The following GALNT7 variants were observed in gnomAD, a reference collection of about 807,000 sequenced individuals.
The protein encoded by GALNT7 is N-acetylgalactosaminyltransferase 7.
A neutral mutation model predicts 82.1 loss-of-function variants in GALNT7; 60 were observed. The ratio of observed to expected loss-of-function variants is 0.73; its 90% CI spans 0.59 to 0.91. The LOEUF (loss-of-function observed/expected upper bound fraction) is 0.91, where lower values mean the gene tolerates loss of function less well. Ranked by LOEUF, GALNT7 falls within the 40% of genes least tolerant of loss-of-function variation. The pLI is 0.00. For synonymous variants in GALNT7, 243 were observed against 275.1 expected, an observed-to-expected ratio of 0.88 and a Z score of 1.15; for missense variants, 660 against 804.2, an observed-to-expected ratio of 0.82 and a Z score of 2.17.
intron 2 of GALNT7, chr4:173,268,041 AAG>A (rs1386121176): frequency 1.9e-5 from 3 of 154,762 alleles, no homozygotes; most frequent in African/African-American, 2.4e-5. Flanking sequence ...AGGAGTCCTA[AAG>A]GAAGTTAGTA....
chr4:173,196,616 A>G, intron 1 of GALNT7, among the ~76,000 whole-genome samples: 1 of 152,134 alleles, frequency 6.6e-6, no homozygotes, highest in East Asian at 1.9e-4. Context: ...AACGTGTGCC[A>G]TGGTGGTTTG....
intron 1 of GALNT7, among the ~76,000 whole-genome samples, chr4:173,183,041 TAAAC>T (rs1355270873): frequency 4.9e-5 from 2 of 40,736 alleles, no homozygotes; most frequent in Admixed American, 2.6e-4. Context: ...TCCACACACA[TAAAC>T]ACACACACAC....
chr4:173,181,012 T>G (rs1050594692), intron 1 of GALNT7, among the ~76,000 whole-genome samples: 1 of 152,240 alleles, frequency 6.6e-6, no homozygotes, highest in African/African-American at 2.4e-5. Context: ...CAGGATGATT[T>G]AAAATGAATT....
At chr4:173,202,594 A>T (rs2126655798) in intron 1 of GALNT7, among the ~76,000 whole-genome samples, 1 of 152,332 alleles carries the variant, frequency 6.6e-6, no homozygotes, top group Middle Eastern at 3.4e-3. Context: ...TCCTCCAGGA[A>T]ATCTTATCTG....
intron 1 of GALNT7, among the ~76,000 whole-genome samples, chr4:173,190,740 T>C (rs1467336914): frequency 6.6e-6 from 1 of 152,172 alleles, no homozygotes; most frequent in East Asian, 1.9e-4. Context: ...TTATTGAACA[T>C]TGGGTTATGA....
At chr4:173,225,105 G>T (rs910491549) in intron 1 of GALNT7, among the ~76,000 whole-genome samples, 6 of 151,568 alleles carry the variant, frequency 4.0e-5, no homozygotes, top group Non-Finnish European at 4.4e-5. Flanking sequence ...GAATCCTGGA[G>T]ATAGAATTTT....
At chr4:173,270,855 C>T (rs1735696286) in intron 2 of GALNT7, among the ~76,000 whole-genome samples, 1 of 152,168 alleles carries the variant, frequency 6.6e-6, no homozygotes, top group African/African-American at 2.4e-5. Context: ...CTGCAGCCCT[C>T]TGAGAAACAG....
At chr4:173,319,256 G>A (rs1041994130) in intron 11 of GALNT7, among the ~76,000 whole-genome samples, 8 of 151,846 alleles carry the variant, frequency 5.3e-5, no homozygotes, top group Non-Finnish European at 1.0e-4. Flanking sequence ...AACAAAAAGT[G>A]GGGAAAGCTG....
At chr4:173,234,234 A>C (rs1734136882) in intron 1 of GALNT7, among the ~76,000 whole-genome samples, 2 of 152,268 alleles carry the variant, frequency 1.3e-5, no homozygotes. Flanking sequence ...TGAATTCCTC[A>C]AGGCGGGATC....
intron 2 of GALNT7, among the ~76,000 whole-genome samples, chr4:173,256,173 G>A (rs563780431): frequency 6.6e-5 from 10 of 152,092 alleles, no homozygotes; most frequent in East Asian, 1.9e-4. Context: ...GGAGTTTACC[G>A]GCTTTAAGAC....
intron 2 of GALNT7, among the ~76,000 whole-genome samples, chr4:173,266,189 G>A (rs1023735597): frequency 6.6e-5 from 10 of 152,336 alleles, no homozygotes; most frequent in Non-Finnish European, 1.3e-4. Context: ...GAACCCGAGA[G>A]GCGGACGTTG....
chr4:173,319,364 A>G (rs1737720581), intron 11 of GALNT7, among the ~76,000 whole-genome samples: 1 of 152,120 alleles, frequency 6.6e-6, no homozygotes, highest in South Asian at 2.1e-4. Context: ...CTTGTTTGCT[A>G]TGTAATAATG....
chr4:173,246,350 A>G (rs1734633482), intron 1 of GALNT7, among the ~76,000 whole-genome samples: 1 of 152,122 alleles, frequency 6.6e-6, no homozygotes, highest in South Asian at 2.1e-4. Flanking sequence ...TTCCTTTTTT[A>G]ATGAGTTAGT....
chr4:173,183,774 G>A (rs1171888318), intron 1 of GALNT7, among the ~76,000 whole-genome samples: 1 of 150,550 alleles, frequency 6.6e-6, no homozygotes, highest in Admixed American at 6.6e-5. Context: ...GGCTGGCCTG[G>A]CAGGGACTGC....
intron 2 of GALNT7, among the ~76,000 whole-genome samples, chr4:173,284,972 CTTG>C (rs1454075911): frequency 6.6e-6 from 1 of 152,040 alleles, no homozygotes; most frequent in Non-Finnish European, 1.5e-5. Flanking sequence ...GTAAGAAAAC[CTTG>C]TTGTGCTTTT....
chr4:173,238,735 A>T (rs1199279405), intron 1 of GALNT7, among the ~76,000 whole-genome samples: 1 of 152,182 alleles, frequency 6.6e-6, no homozygotes, highest in Non-Finnish European at 1.5e-5. Context: ...CATATTTATG[A>T]TTCAGTTGAT....
chr4:173,252,457 G>A (rs1010787166), intron 2 of GALNT7, among the ~76,000 whole-genome samples: 1 of 152,212 alleles, frequency 6.6e-6, no homozygotes, highest in Non-Finnish European at 1.5e-5. Context: ...CGGCTGTTGT[G>A]TAGTCTTTGT....
rs1429738932 is a variant in GALNT7 at position 173,248,060 on chromosome 4, G to A, written c.207G>A (p.Val69=). 6.2e-7 allele frequency: 1 copy of A among 1,613,632 alleles called. No individual in the cohort carries two copies. Among genetic ancestry groups the A allele is most frequent in the South Asian group, 1.1e-5 (1 of 91,076 alleles). The part of the protein sequence containing the change: ...LAPGEDRFKP[V]VPWPHVEGVE... ...CTGGGGAGGACAGATTCAAACCTGTGGTACCATGGCCTCATGTTGAAGGAG... is the reference window on the plus strand; with the variant it reads ...CTGGGGAGGACAGATTCAAACCTGTAGTACCATGGCCTCATGTTGAAGGAG... The change falls in exon 2 of 12, where the codon GTG becomes GTA. Residue 69 remains valine, a synonymous_variant. Coordinates refer to ENST00000265000, the MANE Select transcript of GALNT7 (RefSeq NM_017423.3).
In GALNT7 at chr4:173,295,752, CT is replaced by C. The variant is rs201396358; in HGVS notation, c.886-4del. On this transcript the variant is annotated splice_polypyrimidine_tract_variant and intron_variant, in intron 4 of 11. Coordinates refer to ENST00000265000, the MANE Select transcript of GALNT7 (RefSeq NM_017423.3). ...ATGAGGAGTATTCTTTCACCTGCCT[CT>C]TTTTTTTAAGGTTTTGATATACCTT... 43 of 1,565,828 alleles carry C rather than the reference CT, an allele frequency of 2.7e-5. No homozygotes were observed. The highest frequency in any genetic ancestry group is 4.4e-5 in the South Asian group (4 of 89,914).
Sources: allele counts gnomAD v4.1 joint callset (sites outside exome capture counted in the v4.1 genomes callset), GRCh38; gene constraint gnomAD v4.1.1; transcripts MANE v1.5; gene names NCBI Gene and HGNC (gene_info 2026-07-23, HGNC 2026-07-21).